Variants in SKI observed in about 807,000 individuals in gnomAD.
SKI encodes SKI proto-oncogene, also known as ski oncogene.
A neutral mutation model predicts 59.3 loss-of-function variants in SKI; 23 were observed. The ratio of observed to expected loss-of-function variants is 0.39; its 90% CI spans 0.28 to 0.55. The LOEUF (loss-of-function observed/expected upper bound fraction) is 0.55, where lower values mean the gene tolerates loss of function less well. Ranked by LOEUF, SKI falls within the 20% of genes least tolerant of loss-of-function variation. SKI has a pLI of 0.67. For synonymous variants in SKI, 673 were observed against 488.6 expected, an observed-to-expected ratio of 1.38 and a Z score of -4.98; for missense variants, 1,017 against 1,038.9, an observed-to-expected ratio of 0.98 and a Z score of 0.29.
At chr1:2,239,401 G>A (rs1300859771) in intron 1 of SKI, among the ~76,000 whole-genome samples, 1 of 152,196 alleles carries the variant, frequency 6.6e-6, no homozygotes, top group African/African-American at 2.4e-5. Context: ...TTCGAGTCAA[G>A]CCGGGCTCGA....
intron 1 of SKI, among the ~76,000 whole-genome samples, chr1:2,276,597 C>T (rs184916044): frequency 1.5e-3 from 225 of 152,336 alleles, no homozygotes; most frequent in African/African-American, 5.3e-3. Context: ...GGTGAGAAAA[C>T]ATGAAGCTTT....
intron 1 of SKI, among the ~76,000 whole-genome samples, chr1:2,285,730 A>AT (rs1640025975): frequency 6.6e-6 from 1 of 150,856 alleles, no homozygotes; most frequent in African/African-American, 2.4e-5. Flanking sequence ...TGCCCAGCCA[A>AT]TTTTTGTATT....
intron 1 of SKI, among the ~76,000 whole-genome samples, chr1:2,287,338 A>ATTTT (rs56295904): frequency 1.5e-4 from 21 of 140,106 alleles, no homozygotes; most frequent in South Asian, 2.3e-4. Flanking sequence ...GAAATATCCA[A>ATTTT]TTTTTTTTTT....
At chr1:2,240,865 C>T (rs754873075) in intron 1 of SKI, 163 of 925,140 alleles carry the variant, frequency 1.8e-4, no homozygotes, top group Non-Finnish European at 2.1e-4. Flanking sequence ...CACAGCCCTT[C>T]GGCACTGCTG....
intron 1 of SKI, among the ~76,000 whole-genome samples, chr1:2,285,855 C>T (rs941722070): frequency 6.7e-6 from 1 of 150,326 alleles, no homozygotes; most frequent in African/African-American, 2.4e-5. Flanking sequence ...CGTGAGCCAC[C>T]GCACCAGCCA....
At position 2,306,674 on chromosome 1, in the gene SKI, AGAAGGTGGT is replaced by A; in HGVS notation, c.2102_2110del (p.Val701_Lys703del). On this transcript the variant is annotated inframe_deletion, in exon 7 of 7. Coordinates refer to ENST00000378536, the MANE Select transcript of SKI (RefSeq NM_003036.4). ...GAGCGCGAGGCCCGGGAGCACCTGG[AGAAGGTGGT>A]GAAGGAGCTGCAGGAACAGCTGTGG... is the stretch of plus-strand genomic sequence containing the variant. The A allele has an allele frequency of 1.3e-6, 2 of 1,544,816 alleles. No individual in the cohort carries two copies. Among genetic ancestry groups the A allele is most frequent in the Non-Finnish European group, 1.7e-6 (2 of 1,145,184 alleles).
chr1:2,304,266 TTG>T (rs1415546315), intron 4 of SKI, 25 bp from the exon 5 acceptor site: 1 of 1,551,704 alleles, frequency 6.4e-7, no homozygotes, highest in Non-Finnish European at 8.7e-7. Context: ...TTCCATGACT[TTG>T]TTTCTGTCTC....
chr1:2,279,152 G>A lies in SKI; in HGVS notation c.970-23826G>A, dbSNP rs564944418. Among the ~76,000 whole-genome samples, 50 of 152,332 alleles carry A rather than the reference G, an allele frequency of 3.3e-4. 1 individual carries two copies. Among genetic ancestry groups the A allele is most frequent in the African/African-American group, 9.9e-4 (41 of 41,584 alleles). ...TGGGCCCTCCACCGCCCCATTGGGCGCCTGACTCTCAGGGCGCAGTCAGTT... is the reference window on the plus strand; with the variant it reads ...TGGGCCCTCCACCGCCCCATTGGGCACCTGACTCTCAGGGCGCAGTCAGTT... On this transcript the variant is annotated intron_variant, in intron 1 of 6. Transcript: ENST00000378536.
At chr1:2,296,339 T>C (rs539558277) in intron 1 of SKI, among the ~76,000 whole-genome samples, 1 of 152,180 alleles carries the variant, frequency 6.6e-6, no homozygotes, top group African/African-American at 2.4e-5. Context: ...GAGGCTGCAG[T>C]GAGCTGAGAT....
intron 1 of SKI, among the ~76,000 whole-genome samples, chr1:2,259,481 A>G (rs1639337921): frequency 6.6e-6 from 1 of 152,326 alleles, no homozygotes; most frequent in East Asian, 1.9e-4. Context: ...GTTTAAAGCT[A>G]TAGATCAAAT....
chr1:2,265,394 C>G (rs1336519652), intron 1 of SKI, among the ~76,000 whole-genome samples: 1 of 152,166 alleles, frequency 6.6e-6, no homozygotes, highest in African/African-American at 2.4e-5. Flanking sequence ...TTTTCTTCCA[C>G]AATGTCTCCT....
At chr1:2,230,861 C>G (rs1638620810) in intron 1 of SKI, among the ~76,000 whole-genome samples, 1 of 152,148 alleles carries the variant, frequency 6.6e-6, no homozygotes, top group East Asian at 1.9e-4. Context: ...GCCCGGTTTT[C>G]TCTGGGCGCC....
chr1:2,256,568 C>A (rs1167574115), intron 1 of SKI, among the ~76,000 whole-genome samples: 1 of 152,228 alleles, frequency 6.6e-6, no homozygotes, highest in African/African-American at 2.4e-5. Flanking sequence ...TTCATCCTTA[C>A]CTGAGTAGCC....
At chr1:2,301,162 G>T (rs984789960) in intron 1 of SKI, among the ~76,000 whole-genome samples, 1 of 152,320 alleles carries the variant, frequency 6.6e-6, no homozygotes, top group South Asian at 2.1e-4. Context: ...CCTCTCGGGA[G>T]GGTCCGCATG....
intron 1 of SKI, among the ~76,000 whole-genome samples, chr1:2,285,577 T>TC (rs1316230363): frequency 6.6e-6 from 1 of 151,098 alleles, no homozygotes; most frequent in South Asian, 2.1e-4. Flanking sequence ...TTTTTGTTTT[T>TC]TTTTTGAGAC....
At chr1:2,304,699 C>G (rs1640524135) in intron 5 of SKI, 114 bp downstream of exon 5, 3 of 1,433,662 alleles carry the variant, frequency 2.1e-6, no homozygotes, top group Non-Finnish European at 2.7e-6. Flanking sequence ...CCATGCGCTC[C>G]TCTCTGCCTC....
At chr1:2,295,328 C>G (rs1352482967) in intron 1 of SKI, among the ~76,000 whole-genome samples, 1 of 152,250 alleles carries the variant, frequency 6.6e-6, no homozygotes, top group African/African-American at 2.4e-5. Context: ...GAAAACCATT[C>G]ACCTTGACAG....
Position 2,229,683 on chromosome 1 carries a change from A to C in SKI, c.917A>C (p.Asp306Ala), listed in dbSNP as rs766166838. The change falls in exon 1 of 7, where the codon GAC (aspartate) becomes GCC (alanine). Residue 306 changes from aspartate (D) to alanine (A), a missense_variant. Coordinates refer to ENST00000378536, the MANE Select transcript of SKI (RefSeq NM_003036.4). This position sits in a 1 kb window ranked among gnomAD's most constrained non-coding sequence, Gnocchi z 6.3. ...EQARLGRCLDDVKEKFDYGNK... is the reference protein window; with the variant it reads ...EQARLGRCLDAVKEKFDYGNK... ...GCGCGCCTCGGCCGCTGCCTGGACG[A>C]CGTGAAGGAGAAATTCGACTATGGC... 1 of 1,603,626 alleles carries C rather than the reference A, an allele frequency of 6.2e-7. No homozygotes were observed. Among genetic ancestry groups the C allele is most frequent in the Non-Finnish European group, 8.5e-7 (1 of 1,175,862 alleles).
intron 1 of SKI, among the ~76,000 whole-genome samples, chr1:2,279,020 G>A (rs1019700416): frequency 6.6e-6 from 1 of 152,190 alleles, no homozygotes; most frequent in East Asian, 1.9e-4. Context: ...ACAAGGGCAG[G>A]CTGTGGCCGT....
Sources: allele counts gnomAD v4.1 joint callset (sites outside exome capture counted in the v4.1 genomes callset), GRCh38; gene constraint gnomAD v4.1.1; non-coding constraint Gnocchi (gnomAD v3.1); transcripts MANE v1.5; gene names NCBI Gene and HGNC (gene_info 2026-07-23, HGNC 2026-07-21).